STPG2: variants seen among roughly 807,000 people sequenced by gnomAD.
STPG2 encodes sperm-tail PG-rich repeat-containing protein 2.
Under a neutral mutation model 54.2 loss-of-function variants are expected in STPG2, and 56 were observed. The observed-to-expected ratio is 1.03, with a 90% CI of 0.83 to 1.29. STPG2 has a LOEUF of 1.29. Among genes scored for constraint, STPG2 ranks in the 50% most tolerant of loss-of-function variants. The probability of loss-of-function intolerance (pLI) is 0.00; values close to 1 mark genes in which losing one functional copy is unlikely to be tolerated. For synonymous variants in STPG2, 200 were observed against 181.8 expected (o/e 1.10, Z -0.81); for missense variants, 596 against 544.9 (o/e 1.09, Z -0.93).
intron 8 of STPG2, among the ~76,000 whole-genome samples, chr4:97,922,409 C>A (rs1433680003): frequency 6.6e-6 from 1 of 152,010 alleles, no homozygotes; most frequent in Non-Finnish European, 1.5e-5. Context: ...GATGGCCTGA[C>A]TAAATTTGGC....
intron 8 of STPG2, among the ~76,000 whole-genome samples, chr4:97,886,538 T>C (rs1730575480): frequency 6.6e-6 from 1 of 152,218 alleles, no homozygotes; most frequent in Non-Finnish European, 1.5e-5. Flanking sequence ...TGAATGGAGA[T>C]ATATCCACAT....
At chr4:97,709,300 A>G (rs986630010) in intron 10 of STPG2, among the ~76,000 whole-genome samples, 7 of 151,692 alleles carry the variant, frequency 4.6e-5, no homozygotes, top group African/African-American at 1.7e-4. Context: ...TAAATTTAGA[A>G]CTGAAAATAA....
intron 4 of STPG2, among the ~76,000 whole-genome samples, chr4:97,548,555 G>C (rs1208498070): frequency 1.3e-5 from 2 of 151,308 alleles, no homozygotes; most frequent in Non-Finnish European, 2.9e-5. Context: ...AATAAACTTA[G>C]TATGAAATAA....
intron 8 of STPG2, among the ~76,000 whole-genome samples, chr4:97,878,472 G>A (rs1346062640): frequency 6.6e-6 from 1 of 151,780 alleles, no homozygotes; most frequent in Non-Finnish European, 1.5e-5. Flanking sequence ...CTTAATTCTT[G>A]CCCCTTTTGT....
chr4:98,096,496 A>G (rs545727980), intron 5 of STPG2, among the ~76,000 whole-genome samples: 2 of 152,244 alleles, frequency 1.3e-5, no homozygotes, highest in East Asian at 3.9e-4. Context: ...AGTTTATAGC[A>G]ATAAGCCCCT....
intron 8 of STPG2, among the ~76,000 whole-genome samples, chr4:97,852,401 T>C (rs1729188580): frequency 6.6e-6 from 1 of 152,172 alleles, no homozygotes. Flanking sequence ...ATTTATAGCC[T>C]TATTATTAAC....
intron 8 of STPG2, among the ~76,000 whole-genome samples, chr4:97,858,741 A>G (rs1428384598): frequency 6.6e-6 from 1 of 152,016 alleles, no homozygotes; most frequent in African/African-American, 2.4e-5. Flanking sequence ...ATTTCTTTTC[A>G]TTGCTGAGTA....
At position 97,567,444 on chromosome 4, in the gene STPG2, A is replaced by T. The variant is rs770568629; in HGVS notation, c.1321-8327T>A. On this transcript the variant is annotated intron_variant, in intron 10 of 10. Transcript: ENST00000295268. Reference sequence around the variant, plus strand: ...ATACTATATATATAATTTTATATATATATGTATATATATATATTCCCTTTC... The same window carrying T: ...ATACTATATATATAATTTTATATATTTATGTATATATATATATTCCCTTTC... Among the ~76,000 whole-genome samples the T allele has an allele frequency of 8.5e-4, 126 of 149,106 alleles. 2 individuals are homozygous for T. Among genetic ancestry groups the T allele is most frequent in the South Asian group, 4.6e-3 (22 of 4,784 alleles).
At chr4:97,949,299 T>A (rs183057938) in intron 7 of STPG2, among the ~76,000 whole-genome samples, 8 of 152,138 alleles carry the variant, frequency 5.3e-5, no homozygotes, top group Non-Finnish European at 8.8e-5. Flanking sequence ...ACCTTGAGTT[T>A]ATATAAATCC....
chr4:97,876,885 T>C (rs1193807959), intron 8 of STPG2, among the ~76,000 whole-genome samples: 3 of 152,094 alleles, frequency 2.0e-5, no homozygotes, highest in African/African-American at 7.2e-5. Flanking sequence ...ATTTGGACCA[T>C]GTCATAGCAG....
intron 5 of STPG2, among the ~76,000 whole-genome samples, chr4:98,044,740 G>A (rs531799417): frequency 1.1e-3 from 167 of 152,260 alleles, no homozygotes; most frequent in Non-Finnish European, 7.4e-4. Flanking sequence ...GGAATTAACA[G>A]ATCAGAATGT....
At chr4:97,882,976 TACACACACACACAC>T (rs34481744) in intron 8 of STPG2, among the ~76,000 whole-genome samples, 3 of 146,862 alleles carry the variant, frequency 2.0e-5, no homozygotes, top group Non-Finnish European at 3.0e-5. Context: ...ACATACCACA[TACACACACACACAC>T]ACACACACAC....
At chr4:98,030,781 G>A (rs1436968008) in intron 5 of STPG2, among the ~76,000 whole-genome samples, 3 of 152,124 alleles carry the variant, frequency 2.0e-5, no homozygotes, top group Non-Finnish European at 4.4e-5. Flanking sequence ...AACAAGCAAT[G>A]GGGAAAGGAT....
intron 7 of STPG2, among the ~76,000 whole-genome samples, chr4:97,958,737 A>G (rs1733779750): frequency 6.6e-6 from 1 of 152,212 alleles, no homozygotes; most frequent in South Asian, 2.1e-4. Context: ...TTACTACTAG[A>G]CGTAAGAAAT....
chr4:97,869,821 C>T (rs1729921262), intron 8 of STPG2, among the ~76,000 whole-genome samples: 1 of 151,518 alleles, frequency 6.6e-6, no homozygotes, highest in South Asian at 2.1e-4. Flanking sequence ...AATTTCTTTT[C>T]ATATCTAGTC....
At chr4:97,763,898 A>T (rs1725961657) in intron 9 of STPG2, among the ~76,000 whole-genome samples, 1 of 152,148 alleles carries the variant, frequency 6.6e-6, no homozygotes, top group Non-Finnish European at 1.5e-5. Flanking sequence ...TTGCATAATG[A>T]TGATCATGAA....
chr4:97,750,423 A>G (rs566235311), intron 9 of STPG2, among the ~76,000 whole-genome samples: 1 of 151,914 alleles, frequency 6.6e-6, no homozygotes, highest in Non-Finnish European at 1.5e-5. Flanking sequence ...TAGTGTGAGG[A>G]GTTTCAAATG....
rs1553939187 is a variant in STPG2 at position 98,072,613 on chromosome 4, T to TAAAATAAAATAAAATAAAAC, written c.612+33339_612+33340insGTTTTATTTTATTTTATTTT. ...TAAAATAAAATAAAATAAAATAAAA[T>TAAAATAAAATAAAATAAAAC]AAAACAAAACAAGAGTCCACTAATT... is the stretch of plus-strand genomic sequence containing the variant. On this transcript the variant is annotated intron_variant, in intron 5 of 10. Transcript: ENST00000295268. Among the ~76,000 whole-genome samples the TAAAATAAAATAAAATAAAAC allele has an allele frequency of 3.6e-3, 490 of 135,226 alleles. 3 individuals are homozygous for TAAAATAAAATAAAATAAAAC. The highest frequency in any genetic ancestry group is 0.012 in the African/African-American group (445 of 36,408). The allele number at this position is 135,226 out of a possible 152,430, so 88.7% of individuals were successfully genotyped here. A position where few individuals can be genotyped will look rare whatever the true frequency, so the allele number is the denominator to read the frequency against.
chr4:97,900,991 G>T (rs923431410), intron 8 of STPG2, among the ~76,000 whole-genome samples: 1 of 151,802 alleles, frequency 6.6e-6, no homozygotes, highest in Non-Finnish European at 1.5e-5. Context: ...TTTTGATTTT[G>T]CAAATCAGGC....
Sources: gnomAD v4.1 joint callset for allele counts (sites outside exome capture counted in the v4.1 genomes callset) on GRCh38, gnomAD v4.1.1 for gene constraint, MANE v1.5 for transcripts, NCBI Gene and HGNC (gene_info 2026-07-23, HGNC 2026-07-21) for gene names.